Variants in PDE1A observed in about 807,000 individuals in gnomAD.
The protein encoded by PDE1A is dual specificity calcium/calmodulin-dependent 3',5'-cyclic nucleotide phosphodiesterase 1A.
In PDE1A, 35 loss-of-function variants were observed where a neutral mutation model predicts 61.7. The observed-to-expected ratio is 0.57, with a 90% CI of 0.43 to 0.75. The LOEUF (loss-of-function observed/expected upper bound fraction) is 0.75. Among genes scored for constraint, PDE1A ranks in the 30% least tolerant of loss-of-function variants. PDE1A has a pLI of 0.00. For missense variants in PDE1A, 597 were observed against 630.6 expected, an observed-to-expected ratio of 0.95 and a Z score of 0.57; for synonymous variants, 232 against 213.2, an observed-to-expected ratio of 1.09 and a Z score of -0.77.
chr2:182,266,818 A>C (rs1692664693), intron 1 of PDE1A, among the ~76,000 whole-genome samples: 1 of 152,178 alleles, frequency 6.6e-6, no homozygotes, highest in South Asian at 2.1e-4. Flanking sequence ...ATGACCTGGC[A>C]AAAGAAAGCC....
chr2:182,457,610 T>A (rs1031221482), intron 2 of PDE1A, among the ~76,000 whole-genome samples: 7 of 151,942 alleles, frequency 4.6e-5, no homozygotes, highest in African/African-American at 1.7e-4. Context: ...ATGGTTTTGG[T>A]AGTGATGATT....
At chr2:182,405,859 C>T (rs1702269526) in intron 1 of PDE1A, among the ~76,000 whole-genome samples, 1 of 151,958 alleles carries the variant, frequency 6.6e-6, no homozygotes, top group African/African-American at 2.4e-5. Context: ...TATATCATAA[C>T]ATCACATTGT....
At chr2:182,616,403 C>T in the PDE1A span, among the ~76,000 whole-genome samples, 2 of 152,210 alleles carry the variant, frequency 1.3e-5, no homozygotes, top group Non-Finnish European at 2.9e-5. Flanking sequence ...TCATGTGGCA[C>T]ACCACAAGGA....
the PDE1A span, among the ~76,000 whole-genome samples, chr2:182,626,760 TACATATATATAC>T: frequency 9.7e-5 from 1 of 10,318 alleles, no homozygotes; most frequent in African/African-American, 2.6e-4. Flanking sequence ...TATATATATA[TACATATATATAC>T]ATATATATAC....
At chr2:182,646,680 T>C in the PDE1A span, among the ~76,000 whole-genome samples, 1 of 148,182 alleles carries the variant, frequency 6.7e-6, no homozygotes, top group African/African-American at 2.5e-5. Flanking sequence ...CTAGACTCCA[T>C]CTAGGAAAAA....
chr2:182,508,816 T>A (rs574916678), intron 2 of PDE1A, among the ~76,000 whole-genome samples: 49 of 150,854 alleles, frequency 3.2e-4, no homozygotes, highest in Middle Eastern at 3.4e-3. Flanking sequence ...TTTTTATTTT[T>A]TTTTTAATTA....
chr2:182,220,632 A>C (rs533873200), intron 7 of PDE1A, among the ~76,000 whole-genome samples: 1 of 152,092 alleles, frequency 6.6e-6, no homozygotes, highest in Non-Finnish European at 1.5e-5. Context: ...CTTTTCACAA[A>C]GAGGAAATTA....
At chr2:182,140,071 A>G (rs1690166899) in exon 15 of PDE1A, 1 of 152,226 alleles carries the variant, frequency 6.6e-6, no homozygotes, top group Non-Finnish European at 1.5e-5. Context: ...TATTTACTAA[A>G]TGCCAACTGA....
intron 1 of PDE1A, among the ~76,000 whole-genome samples, chr2:182,349,337 C>G (rs1029371749): frequency 1.3e-5 from 2 of 152,152 alleles, no homozygotes; most frequent in Admixed American, 1.3e-4. Context: ...TACTGGCCTC[C>G]AACTGTGCCA....
chr2:182,289,417 T>A (rs992917500), intron 1 of PDE1A, among the ~76,000 whole-genome samples: 1 of 152,022 alleles, frequency 6.6e-6, no homozygotes, highest in African/African-American at 2.4e-5. Context: ...CAGCTTCACA[T>A]AAAAGACACA....
At chr2:182,504,946 C>T (rs539060057) in intron 2 of PDE1A, among the ~76,000 whole-genome samples, 3 of 152,180 alleles carry the variant, frequency 2.0e-5, no homozygotes, top group African/African-American at 7.2e-5. Flanking sequence ...AGGACCCATG[C>T]GAAGAGTCTT....
chr2:182,371,159 G>T (rs1267799000), intron 1 of PDE1A, among the ~76,000 whole-genome samples: 1 of 151,978 alleles, frequency 6.6e-6, no homozygotes, highest in Non-Finnish European at 1.5e-5. Flanking sequence ...TAGAACAACA[G>T]TTCTAAAAAA....
At chr2:182,525,110 T>C (rs1690757726), upstream of PDE1A, among the ~76,000 whole-genome samples, 2 of 152,146 alleles carry the variant, frequency 1.3e-5, no homozygotes. Flanking sequence ...ATGAGCATAA[T>C]AATAACATCT....
At chr2:182,531,261 C>T in the PDE1A span, among the ~76,000 whole-genome samples, 2 of 150,652 alleles carry the variant, frequency 1.3e-5, no homozygotes, top group Non-Finnish European at 3.0e-5. Flanking sequence ...AGCAAAAAAT[C>T]AAGACTTAAA....
chr2:182,576,360 T>C, the PDE1A span, among the ~76,000 whole-genome samples: 1 of 152,242 alleles, frequency 6.6e-6, no homozygotes, highest in Non-Finnish European at 1.5e-5. Flanking sequence ...CAAAATGTTC[T>C]CAAGATTCAT....
At chr2:182,686,641 G>A in the PDE1A span, among the ~76,000 whole-genome samples, 1 of 152,262 alleles carries the variant, frequency 6.6e-6, no homozygotes, top group Non-Finnish European at 1.5e-5. Context: ...TTCCAACTGA[G>A]GTACCGGGTT....
At chr2:182,494,823 C>T (rs77808917) in intron 2 of PDE1A, among the ~76,000 whole-genome samples, 1,804 of 152,242 alleles carry the variant, frequency 0.012, 36 homozygotes, top group African/African-American at 0.041. Context: ...GGAGAAACAG[C>T]ACACTTTTAT....
rs548993514 is a variant in PDE1A, at chr2:182,403,598, C to CAAAAA, written c.53+22975_53+22979dup. 9.5e-4 allele frequency among the ~76,000 whole-genome samples: 74 copies of CAAAAA among 77,630 alleles called. 2 individuals carry two copies. Among genetic ancestry groups the CAAAAA allele is most frequent in the African/African-American group, 3.3e-3 (54 of 16,230 alleles). The allele number at this position is 77,630 out of a possible 152,430, so 50.9% of individuals were successfully genotyped here. A position where few individuals can be genotyped will look rare whatever the true frequency, so the allele number is the denominator to read the frequency against. Reference sequence around the variant, plus strand: ...TGGGCGACAGAGCCAGACTCCGTCTCAAAAAAAAAAAAAAAAGAAAATGTG... The same window carrying CAAAAA: ...TGGGCGACAGAGCCAGACTCCGTCTCAAAAAAAAAAAAAAAAAAAAAGAAAATGTG... On this transcript the variant is annotated intron_variant, in intron 1 of 13. Coordinates refer to ENST00000351439, the Ensembl canonical transcript of PDE1A.
intron 1 of PDE1A, among the ~76,000 whole-genome samples, chr2:182,369,313 A>G (rs991527583): frequency 2.0e-5 from 3 of 152,202 alleles, no homozygotes; most frequent in Non-Finnish European, 4.4e-5. Flanking sequence ...TTGTTTTTAT[A>G]TAATAGCTTC....
Sources: allele counts gnomAD v4.1 joint callset (sites outside exome capture counted in the v4.1 genomes callset), GRCh38; gene constraint gnomAD v4.1.1; transcripts MANE v1.5; gene names NCBI Gene and HGNC (gene_info 2026-07-23, HGNC 2026-07-21).